Variants in AP3B1 observed in about 807,000 individuals in gnomAD.
The protein encoded by AP3B1 is adaptor related protein complex 3 subunit beta 1.
A neutral mutation model predicts 132.5 loss-of-function variants in AP3B1; 61 were observed. The observed-to-expected ratio is 0.46, with a 90% CI of 0.37 to 0.57. The LOEUF (loss-of-function observed/expected upper bound fraction) is 0.57, where lower values mean the gene tolerates loss of function less well. Ranked by LOEUF, AP3B1 falls within the 20% of genes least tolerant of loss-of-function variation. The pLI, the probability that AP3B1 is intolerant of heterozygous loss-of-function variation, is 0.00. For missense variants in AP3B1, 1,120 were observed against 1,289.4 expected, an observed-to-expected ratio of 0.87 and a Z score of 2.01; for synonymous variants, 388 against 438.3, an observed-to-expected ratio of 0.89 and a Z score of 1.43.
chr5:78,104,948 T>C (rs1580351642), intron 20 of AP3B1, among the ~76,000 whole-genome samples: 1 of 152,190 alleles, frequency 6.6e-6, no homozygotes, highest in Non-Finnish European at 1.5e-5. Flanking sequence ...GTTGGTACTA[T>C]TTTCTTCATA....
At chr5:78,284,432 T>C (rs1749187022) in intron 1 of AP3B1, among the ~76,000 whole-genome samples, 2 of 152,188 alleles carry the variant, frequency 1.3e-5, no homozygotes, top group South Asian at 2.1e-4. Flanking sequence ...CTAGTGGAGC[T>C]AGCTACATAA....
intron 1 of AP3B1, among the ~76,000 whole-genome samples, chr5:78,288,242 T>C (rs929943997): frequency 3.9e-5 from 6 of 152,200 alleles, no homozygotes; most frequent in Non-Finnish European, 8.8e-5. Context: ...TAACACTAAT[T>C]GTATACTTGA....
At chr5:78,201,258 G>A (rs7724226) in intron 7 of AP3B1, among the ~76,000 whole-genome samples, 84,224 of 151,948 alleles carry the variant, frequency 0.55, 23,555 homozygotes, top group Admixed American at 0.59. Flanking sequence ...AGGTTCTTGC[G>A]GAACCAAAAT....
intron 22 of AP3B1, among the ~76,000 whole-genome samples, chr5:78,088,678 T>C (rs1750370757): frequency 6.6e-6 from 1 of 152,198 alleles, no homozygotes; most frequent in Non-Finnish European, 1.5e-5. Context: ...TTCTGTCTCT[T>C]AGTCTGTCAG....
chr5:78,248,492 CAAAAAAAAA>C (rs34983157), intron 2 of AP3B1, among the ~76,000 whole-genome samples: 28 of 71,356 alleles, frequency 3.9e-4, no homozygotes, highest in Non-Finnish European at 5.5e-4. Flanking sequence ...GACTCTGTCT[CAAAAAAAAA>C]AAAAAAAAAA....
chr5:78,065,043 G>A (rs1397225231), intron 22 of AP3B1, among the ~76,000 whole-genome samples: 1 of 152,114 alleles, frequency 6.6e-6, no homozygotes, highest in Non-Finnish European at 1.5e-5. Context: ...CACGACCCAC[G>A]GAGAGTGAGG....
chr5:78,100,936 T>A lies in AP3B1; in HGVS notation c.2470+17A>T, dbSNP rs986731590. ...CTTACTAAACACAGAAGAAATATTT[T>A]AAATTACAATACTTACAATCATCCA... On this transcript the variant is annotated intron_variant, in intron 21 of 26. Coordinates refer to ENST00000255194, the MANE Select transcript of AP3B1 (RefSeq NM_003664.5). 2 of 1,440,884 alleles carry A rather than the reference T, an allele frequency of 1.4e-6. No homozygotes were observed. The highest frequency in any genetic ancestry group is 2.8e-5 in the African/African-American group (2 of 70,908). The allele number at this position is 1,440,884 out of a possible 1,614,324, so 89.3% of individuals were successfully genotyped here.
chr5:78,246,036 A>G (rs1747366475), intron 2 of AP3B1, among the ~76,000 whole-genome samples: 1 of 151,980 alleles, frequency 6.6e-6, no homozygotes, highest in Non-Finnish European at 1.5e-5. Flanking sequence ...GTAGCTCTAA[A>G]CTCTCCTAGG....
At chr5:78,057,852 T>G (rs1415571655) in intron 22 of AP3B1, among the ~76,000 whole-genome samples, 1 of 152,188 alleles carries the variant, frequency 6.6e-6, no homozygotes, top group Non-Finnish European at 1.5e-5. Flanking sequence ...CCATTTGACA[T>G]GTTATAATTT....
At chr5:78,114,775 T>C (rs937648829) in intron 18 of AP3B1, among the ~76,000 whole-genome samples, 3 of 152,090 alleles carry the variant, frequency 2.0e-5, no homozygotes, top group Admixed American at 2.0e-4. Flanking sequence ...ATCAGGAAGG[T>C]CCATCACAGT....
At chr5:78,094,766 C>T (rs991362550) in intron 21 of AP3B1, among the ~76,000 whole-genome samples, 5 of 151,996 alleles carry the variant, frequency 3.3e-5, no homozygotes, top group Non-Finnish European at 2.9e-5. Flanking sequence ...CTGGAACCTC[C>T]GCCTCCCAGG....
rs935639768 is a variant in AP3B1, at chr5:78,052,337, C to G, written c.2578-13063G>C. 2.6e-5 allele frequency among the ~76,000 whole-genome samples: 4 copies of G among 152,164 alleles called. No homozygotes were observed. In the East Asian group the frequency reaches 7.7e-4, roughly 29 times the overall value. ...TTTAATGAGCATCTTATTTCATGCT[C>G]GGTATTAAGCAGGCACCAGCAAACC... is the stretch of plus-strand genomic sequence containing the variant. On this transcript the variant is annotated intron_variant, in intron 22 of 26. Coordinates refer to ENST00000255194, the MANE Select transcript of AP3B1 (RefSeq NM_003664.5).
intron 22 of AP3B1, chr5:78,087,426 A>C: frequency 1.5e-4 from 79 of 538,166 alleles, no homozygotes; most frequent in Middle Eastern, 9.4e-4. Context: ...ATTCTGCAGT[A>C]GAATATTCAG....
At chr5:78,058,449 G>A (rs181717812) in intron 22 of AP3B1, among the ~76,000 whole-genome samples, 17 of 152,070 alleles carry the variant, frequency 1.1e-4, no homozygotes, top group African/African-American at 3.6e-4. Context: ...GCAGTGAGCC[G>A]AGACCGCGCC....
At position 78,286,900 on chromosome 5, in the gene AP3B1, T is replaced by C. The variant is rs77889352; in HGVS notation, c.128+7552A>G. Among the ~76,000 whole-genome samples the C allele has an allele frequency of 5.3e-5, 8 of 152,350 alleles. No individual in the cohort carries two copies. In the East Asian group the frequency reaches 1.3e-3, roughly 26 times the overall value. ...CAACGTTATTCATAATAATATGAAA[T>C]AGAGGAAAATCATTTCCTTCTTGAT... is the stretch of plus-strand genomic sequence containing the variant. On this transcript the variant is annotated intron_variant, in intron 1 of 26. Coordinates refer to ENST00000255194, the MANE Select transcript of AP3B1 (RefSeq NM_003664.5).
intron 13 of AP3B1, among the ~76,000 whole-genome samples, chr5:78,161,704 TTAA>T (rs1370651694): frequency 2.0e-5 from 3 of 152,040 alleles, no homozygotes; most frequent in Non-Finnish European, 4.4e-5. Context: ...ATTTGGAGTT[TTAA>T]TACTACATGT....
intron 17 of AP3B1, among the ~76,000 whole-genome samples, chr5:78,120,552 G>C (rs1422196068): frequency 3.9e-5 from 6 of 152,046 alleles, no homozygotes; most frequent in African/African-American, 1.5e-4. Context: ...CCTAGTCTCA[G>C]ATAAAACAGA....
chr5:78,036,137 C>T (rs1747798571), intron 23 of AP3B1, among the ~76,000 whole-genome samples: 1 of 152,116 alleles, frequency 6.6e-6, no homozygotes, highest in Non-Finnish European at 1.5e-5. Flanking sequence ...CTCTTTGACA[C>T]TGTTTGATAC....
At chr5:78,058,631 T>A (rs1209807021) in intron 22 of AP3B1, among the ~76,000 whole-genome samples, 1 of 152,226 alleles carries the variant, frequency 6.6e-6, no homozygotes, top group East Asian at 1.9e-4. Context: ...TTATTTAATA[T>A]GACTGATCTG....
Sources: allele counts gnomAD v4.1 joint callset (sites outside exome capture counted in the v4.1 genomes callset), GRCh38; gene constraint gnomAD v4.1.1; transcripts MANE v1.5; gene names NCBI Gene and HGNC (gene_info 2026-07-23, HGNC 2026-07-21).